The following DOCK7 variants were observed in gnomAD, a reference collection of about 807,000 sequenced individuals.
DOCK7 encodes the protein dedicator of cytokinesis protein 7.
Under a neutral mutation model 271.0 loss-of-function variants are expected in DOCK7, and 138 were observed. The observed-to-expected ratio is 0.51, with a 90% CI of 0.44 to 0.59. DOCK7 has a LOEUF of 0.59. Among genes scored for constraint, DOCK7 ranks in the 20% least tolerant of loss-of-function variants. The probability of loss-of-function intolerance (pLI) is 0.00; values close to 1 mark genes in which losing one functional copy is unlikely to be tolerated. For missense variants in DOCK7, 2,066 were observed against 2,592.4 expected (o/e 0.80, Z 4.41); for synonymous variants, 823 against 876.1 (o/e 0.94, Z 1.07).
At chr1:62,604,072 T>C in intron 14 of DOCK7, 1 of 1,613,358 alleles carries the variant, frequency 6.2e-7, no homozygotes, top group Non-Finnish European at 8.5e-7. Context: ...AACATTATAT[T>C]GAATATTCTT....
chr1:62,666,455 GT>G, intron 1 of DOCK7, among the ~76,000 whole-genome samples: 1 of 152,220 alleles, frequency 6.6e-6, no homozygotes, highest in Middle Eastern at 3.4e-3. Flanking sequence ...AAAATAAGTT[GT>G]GATAATGCAA....
rs199915737 is a variant in DOCK7 at position 62,578,974 on chromosome 1, CAAA to C, written c.1872-11_1872-9del. Reference sequence around the variant, plus strand: ...TCATGAAAATCAGGAGACCTTCATACAAAAAAAAAAAAAAATCAACAGTCAGTA... The same window carrying C: ...TCATGAAAATCAGGAGACCTTCATACAAAAAAAAAAAATCAACAGTCAGTA... On this transcript the variant is annotated splice_polypyrimidine_tract_variant and intron_variant, in intron 16 of 49. Coordinates refer to ENST00000635253, the MANE Select transcript of DOCK7 (RefSeq NM_001367561.1). 673 of 1,271,438 alleles carry C rather than the reference CAAA, an allele frequency of 5.3e-4. No individual in the cohort carries two copies. The highest frequency in any genetic ancestry group is 2.2e-3 in the South Asian group (112 of 50,916). The allele number at this position is 1,271,438 out of a possible 1,614,324, so 78.8% of individuals were successfully genotyped here.
At chr1:62,489,123 G>A (rs1646383295) in intron 41 of DOCK7, 58 bp from the exon 42 acceptor site, 2 of 1,443,890 alleles carry the variant, frequency 1.4e-6, no homozygotes, top group African/African-American at 1.4e-5. Context: ...AGAAAGAAAA[G>A]TAATTATATG....
At chr1:62,494,583 T>C in intron 39 of DOCK7, 116 bp from the exon 40 acceptor site, 1 of 753,594 alleles carries the variant, frequency 1.3e-6, no homozygotes, top group Non-Finnish European at 2.0e-6. Flanking sequence ...ACAACCTACT[T>C]AGTTTTAAAG....
intron 14 of DOCK7, chr1:62,597,414 C>G: frequency 1.4e-6 from 1 of 725,254 alleles, no homozygotes; most frequent in Non-Finnish European, 2.2e-6. Flanking sequence ...AGGTTACATT[C>G]GTGCAAGTTA....
intron 37 of DOCK7, among the ~76,000 whole-genome samples, chr1:62,503,358 C>T (rs1279892246): frequency 2.6e-5 from 4 of 151,684 alleles, no homozygotes; most frequent in South Asian, 2.1e-4. Flanking sequence ...CACACAAATA[C>T]ACAGATCCAC....
At chr1:62,496,552 C>T in intron 37 of DOCK7, 55 bp from the exon 38 acceptor site, 1 of 1,490,968 alleles carries the variant, frequency 6.7e-7, no homozygotes, top group East Asian at 2.4e-5. Flanking sequence ...TTTAAAAAGT[C>T]TGCTATTTTT....
intron 14 of DOCK7, chr1:62,604,453 T>C (rs1650647099): frequency 5.6e-6 from 5 of 894,208 alleles, no homozygotes; most frequent in East Asian, 2.6e-5. Context: ...TTTGGTAGTG[T>C]ATAGATTATT....
intron 19 of DOCK7, among the ~76,000 whole-genome samples, chr1:62,559,905 C>T (rs1646267788): frequency 6.6e-6 from 1 of 152,130 alleles, no homozygotes; most frequent in Non-Finnish European, 1.5e-5. Context: ...ACCTACTTTC[C>T]TTCTGGGAAT....
chr1:62,505,587 C>G, intron 36 of DOCK7, 95 bp downstream of exon 36: 3 of 1,255,686 alleles, frequency 2.4e-6, no homozygotes, highest in Non-Finnish European at 3.3e-6. Context: ...TAATATATTA[C>G]TACATATATT....
rs529302818 is a variant in DOCK7 at position 62,651,072 on chromosome 1, T to G, written c.390-2528A>C. Among the ~76,000 whole-genome samples the G allele has an allele frequency of 7.7e-3, 1,110 of 144,576 alleles. 7 individuals are homozygous for G. The highest frequency in any genetic ancestry group is 0.024 in the African/African-American group (935 of 39,232). 94.8% of individuals were successfully genotyped at this position (144,576 alleles called of 152,430 possible). A position where few individuals can be genotyped will look rare whatever the true frequency, so the allele number is the denominator to read the frequency against. ...AATGTCCATCAATGATAGACTGGATTAAGAAAATGTGGCACATATACACCA... is the reference window on the plus strand; with the variant it reads ...AATGTCCATCAATGATAGACTGGATGAAGAAAATGTGGCACATATACACCA... On this transcript the variant is annotated intron_variant, in intron 4 of 49. Transcript: ENST00000635253.
At chr1:62,553,350 ATATATTTTTTT>A (rs1646011707) in intron 21 of DOCK7, among the ~76,000 whole-genome samples, 7 of 14,874 alleles carry the variant, frequency 4.7e-4, no homozygotes, top group African/African-American at 2.5e-3. Context: ...ATATATATAT[ATATATTTTTTT>A]TTTTTTTTTT....
intron 34 of DOCK7, among the ~76,000 whole-genome samples, chr1:62,510,173 G>A (rs1557645686): frequency 6.6e-6 from 1 of 152,136 alleles, no homozygotes; most frequent in Non-Finnish European, 1.5e-5. Flanking sequence ...CTGCCTTTAT[G>A]CTAGAAACAG....
intron 7 of DOCK7, chr1:62,638,365 G>A (rs1429211251): frequency 6.6e-6 from 1 of 151,736 alleles, no homozygotes; most frequent in Non-Finnish European, 1.5e-5. Flanking sequence ...TCATGTCAAA[G>A]AAATATTTTT....
At chr1:62,597,743 CTT>C in intron 14 of DOCK7, 1 of 1,613,560 alleles carries the variant, frequency 6.2e-7, no homozygotes, top group South Asian at 1.1e-5. Flanking sequence ...GTCTTAAAGA[CTT>C]TGTCCATAAG....
intron 43 of DOCK7, chr1:62,478,840 C>A (rs1422632278): frequency 6.6e-6 from 1 of 152,150 alleles, no homozygotes; most frequent in Non-Finnish European, 1.5e-5. Context: ...ACCCAAACCA[C>A]CCATTGGCAT....
At chr1:62,458,993 CAT>C (rs1239466042) in intron 48 of DOCK7, 8 of 152,132 alleles carry the variant, frequency 5.3e-5, no homozygotes, top group Admixed American at 2.6e-4. Flanking sequence ...GTAGAAAACA[CAT>C]AGCATCAAAT....
At chr1:62,640,399 G>A (rs1216974249) in intron 7 of DOCK7, among the ~76,000 whole-genome samples, 4 of 152,200 alleles carry the variant, frequency 2.6e-5, no homozygotes, top group African/African-American at 7.2e-5. Context: ...GCAGGCGCCT[G>A]TAGTCCCAGC....
chr1:62,617,844 G>A (rs893228054), intron 14 of DOCK7, among the ~76,000 whole-genome samples: 5 of 151,924 alleles, frequency 3.3e-5, no homozygotes, highest in Admixed American at 2.6e-4. Context: ...AAAGGTGGAA[G>A]TAGTAAGAAG....
Sources: gnomAD v4.1 joint callset for allele counts (sites outside exome capture counted in the v4.1 genomes callset) on GRCh38, gnomAD v4.1.1 for gene constraint, MANE v1.5 for transcripts, NCBI Gene and HGNC (gene_info 2026-07-23, HGNC 2026-07-21) for gene names.